Variants in PRELID2 observed in about 807,000 individuals in gnomAD.
The protein encoded by PRELID2 is PRELI domain-containing protein 2.
Under a neutral mutation model 28.4 loss-of-function variants are expected in PRELID2, and 25 were observed. The ratio of observed to expected loss-of-function variants is 0.88; its 90% confidence interval spans 0.64 to 1.23. The LOEUF is 1.23. Ranked by LOEUF, PRELID2 falls within the 50% of genes most tolerant of loss-of-function variation. The pLI is 0.00. For missense variants in PRELID2, 201 were observed against 214.4 expected (o/e 0.94, Z 0.39); for synonymous variants, 76 against 71.6 (o/e 1.06, Z -0.31).
downstream of PRELID2, among the ~76,000 whole-genome samples, chr5:145,754,781 G>A (rs922934960): frequency 6.6e-6 from 1 of 152,154 alleles, no homozygotes; most frequent in Non-Finnish European, 1.5e-5. Context: ...GGGACCAGAT[G>A]ATGCTGAAGA....
intron 1 of PRELID2, chr5:145,826,191 G>T: frequency 1.0e-6 from 1 of 985,108 alleles, no homozygotes; most frequent in Non-Finnish European, 1.2e-6. Context: ...CCTTCTCAAA[G>T]CGTGGAAACC....
At chr5:145,687,000 T>C (rs1755050145) in intron 1 of PRELID2, among the ~76,000 whole-genome samples, 2 of 152,274 alleles carry the variant, frequency 1.3e-5, no homozygotes, top group South Asian at 4.2e-4. Context: ...GCAAGACAAA[T>C]TGTCATCTAG....
rs114444086 is a variant in PRELID2, at chr5:145,657,693, G to T, written n.70+107238C>A. Among the ~76,000 whole-genome samples, 525 of 151,736 alleles carry T rather than the reference G, an allele frequency of 3.5e-3. 1 individual carries two copies. Among genetic ancestry groups the T allele is most frequent in the African/African-American group, 0.012 (508 of 41,170 alleles). ...GAGCAAGACTCCGTCTCAAAAAAAAGAAAGAAAGAAAGTGAAATGAGCCCT... is the reference window on the plus strand; with the variant it reads ...GAGCAAGACTCCGTCTCAAAAAAAATAAAGAAAGAAAGTGAAATGAGCCCT... On this transcript the variant is annotated intron_variant and non_coding_transcript_variant, in intron 1 of 2. Coordinates refer to the PRELID2 transcript ENST00000510259.
At chr5:145,364,267 G>A in the PRELID2 span, among the ~76,000 whole-genome samples, 27 of 151,952 alleles carry the variant, frequency 1.8e-4, no homozygotes, top group Admixed American at 5.3e-4. Flanking sequence ...TTAAGTTTCC[G>A]GATTCTGATG....
At chr5:145,347,128 A>G in the PRELID2 span, among the ~76,000 whole-genome samples, 280 of 152,250 alleles carry the variant, frequency 1.8e-3, 7 homozygotes, top group East Asian at 0.044. Flanking sequence ...GTAAAACCAC[A>G]AAGTTCTGCA....
At chr5:145,619,714 C>A (rs1014374289) in intron 1 of PRELID2, among the ~76,000 whole-genome samples, 1 of 152,190 alleles carries the variant, frequency 6.6e-6, no homozygotes, top group African/African-American at 2.4e-5. Context: ...TCTAGCCCTG[C>A]CTCGCATCCA....
At chr5:145,321,201 G>A in the PRELID2 span, among the ~76,000 whole-genome samples, 1 of 152,038 alleles carries the variant, frequency 6.6e-6, no homozygotes, top group Admixed American at 6.5e-5. Flanking sequence ...ACCCGTTAAT[G>A]ATTATTATAA....
intron 1 of PRELID2, among the ~76,000 whole-genome samples, chr5:145,702,085 A>G (rs889717949): frequency 1.3e-5 from 2 of 151,770 alleles, no homozygotes; most frequent in Non-Finnish European, 2.9e-5. Context: ...ACACACACAC[A>G]TATATATATA....
the PRELID2 span, among the ~76,000 whole-genome samples, chr5:145,291,337 G>GAAA: frequency 0.062 from 2,569 of 41,616 alleles, 248 homozygotes; most frequent in African/African-American, 0.19. Flanking sequence ...CTCTGTTTCA[G>GAAA]AAAAAAAAAA....
chr5:145,683,802 T>C (rs1754984334), intron 1 of PRELID2, among the ~76,000 whole-genome samples: 1 of 152,200 alleles, frequency 6.6e-6, no homozygotes, highest in Non-Finnish European at 1.5e-5. Context: ...GGCATGGAGC[T>C]GACCAATCAC....
the PRELID2 span, among the ~76,000 whole-genome samples, chr5:145,355,598 C>G: frequency 5.0e-4 from 76 of 152,224 alleles, 1 homozygote; most frequent in African/African-American, 1.8e-3. Context: ...CCTATGTTTA[C>G]CTATGTTCAC....
chr5:145,303,477 T>C, the PRELID2 span, among the ~76,000 whole-genome samples: 1 of 152,182 alleles, frequency 6.6e-6, no homozygotes, highest in Non-Finnish European at 1.5e-5. Context: ...TATAGAGAAC[T>C]CATGGTGCCC....
In PRELID2 at chr5:145,531,931, G is replaced by A. The variant is rs74840739; in HGVS notation, n.71-58616C>T. On this transcript the variant is annotated intron_variant and non_coding_transcript_variant, in intron 1 of 2. Transcript: ENST00000510259. ...CATGTAGACTTGAGAAAGTTATTTC[G>A]TGTCTTTAAGTTGGTTTGCTCCTAA... 8.7e-3 allele frequency among the ~76,000 whole-genome samples: 1,328 copies of A among 152,166 alleles called. 24 individuals carry two copies. The highest frequency in any genetic ancestry group is 0.03 in the African/African-American group (1,239 of 41,512).
At chr5:145,633,593 C>A (rs1753960495) in intron 1 of PRELID2, among the ~76,000 whole-genome samples, 1 of 152,216 alleles carries the variant, frequency 6.6e-6, no homozygotes, top group African/African-American at 2.4e-5. Flanking sequence ...GGGAATCAGA[C>A]AAGCTCTGAG....
At chr5:145,247,590 C>T in the PRELID2 span, among the ~76,000 whole-genome samples, 1 of 152,134 alleles carries the variant, frequency 6.6e-6, no homozygotes, top group Non-Finnish European at 1.5e-5. Flanking sequence ...TTCCCCAAAT[C>T]CTGGGTTGCA....
chr5:145,301,949 TGCTAACTCTGGTAATTTGCA>T, the PRELID2 span, among the ~76,000 whole-genome samples: 38 of 136,892 alleles, frequency 2.8e-4, no homozygotes, highest in South Asian at 4.4e-4. Flanking sequence ...TTTTTTTTTT[TGCTAACTCTGGTAATTTGCA>T]TTTTCAAATA....
At chr5:145,819,362 TA>T in intron 3 of PRELID2, 1 of 1,574,362 alleles carries the variant, frequency 6.4e-7, no homozygotes, top group Non-Finnish European at 8.7e-7. Context: ...GCAATGTGAT[TA>T]AAAATTTCCA....
chr5:145,545,702 A>G (rs140836567), intron 1 of PRELID2, among the ~76,000 whole-genome samples: 41 of 152,266 alleles, frequency 2.7e-4, no homozygotes, highest in African/African-American at 4.1e-4. Flanking sequence ...CATCTGTCCA[A>G]TGTGCTTTAT....
the PRELID2 span, among the ~76,000 whole-genome samples, chr5:145,427,226 C>T: frequency 1.3e-5 from 2 of 152,190 alleles, no homozygotes; most frequent in African/African-American, 4.8e-5. Context: ...GCAAGAAAAT[C>T]CCTAAGTCTT....
Sources: gnomAD v4.1 joint callset for allele counts (sites outside exome capture counted in the v4.1 genomes callset) on GRCh38, gnomAD v4.1.1 for gene constraint, MANE v1.5 for transcripts, NCBI Gene and HGNC (gene_info 2026-07-23, HGNC 2026-07-21) for gene names.